GMDS: variants seen among roughly 807,000 people sequenced by gnomAD.
The protein encoded by GMDS is GDP-mannose 4,6 dehydratase.
In GMDS, 20 loss-of-function variants were observed where a neutral mutation model predicts 49.9. The ratio of observed to expected loss-of-function variants is 0.40; its 90% CI spans 0.28 to 0.58. The LOEUF (loss-of-function observed/expected upper bound fraction) is 0.58. Ranked by LOEUF, GMDS falls within the 20% of genes least tolerant of loss-of-function variation. The pLI is 0.42. For synonymous variants in GMDS, 177 were observed against 178.6 expected (o/e 0.99, Z 0.07); for missense variants, 362 against 481.4 (o/e 0.75, Z 2.32).
intron 4 of GMDS, among the ~76,000 whole-genome samples, chr6:2,075,114 T>C (rs1772250921): frequency 6.6e-6 from 1 of 152,230 alleles, no homozygotes; most frequent in Non-Finnish European, 1.5e-5. Context: ...AGGATTTCTT[T>C]GGCTGTTCTC....
At chr6:2,124,817 T>A in intron 1 of GMDS, 86 bp from the exon 2 acceptor site, 1 of 975,462 alleles carries the variant, frequency 1.0e-6, no homozygotes, top group Non-Finnish European at 1.6e-6. Context: ...GAAAAGCATT[T>A]AAAAGGCTAC....
intron 4 of GMDS, among the ~76,000 whole-genome samples, chr6:2,060,891 G>C (rs370786027): frequency 6.6e-6 from 1 of 152,052 alleles, no homozygotes; most frequent in Non-Finnish European, 1.5e-5. Flanking sequence ...GTAGTGGCAG[G>C]CGCCTTTAAT....
At chr6:2,229,428 A>AG (rs71538925) in intron 1 of GMDS, among the ~76,000 whole-genome samples, 1 of 150,916 alleles carries the variant, frequency 6.6e-6, no homozygotes, top group African/African-American at 2.4e-5. Context: ...AAAAAAAAAA[A>AG]TACAAAAATG....
intron 9 of GMDS, among the ~76,000 whole-genome samples, chr6:1,655,223 T>C (rs1183053397): frequency 1.3e-5 from 2 of 152,144 alleles, no homozygotes; most frequent in Non-Finnish European, 2.9e-5. Context: ...TGGGGGTATC[T>C]GAGCCTTAAT....
intron 9 of GMDS, among the ~76,000 whole-genome samples, chr6:1,634,661 G>T (rs924011245): frequency 6.6e-6 from 1 of 152,148 alleles, no homozygotes; most frequent in South Asian, 2.1e-4. Flanking sequence ...GCCACAGTGG[G>T]GTTTTAAGTG....
chr6:2,050,493 T>A (rs947634138), intron 4 of GMDS, among the ~76,000 whole-genome samples: 1 of 152,040 alleles, frequency 6.6e-6, no homozygotes, highest in African/African-American at 2.4e-5. Context: ...ATTCCAATGA[T>A]TAGAAAAAGA....
At chr6:2,008,522 CT>C (rs1467473712) in intron 4 of GMDS, among the ~76,000 whole-genome samples, 1 of 152,118 alleles carries the variant, frequency 6.6e-6, no homozygotes, top group Non-Finnish European at 1.5e-5. Context: ...TCTTCTACCC[CT>C]GAGCTGAGCA....
intron 4 of GMDS, among the ~76,000 whole-genome samples, chr6:2,109,837 C>T (rs1774445644): frequency 6.6e-6 from 1 of 152,228 alleles, no homozygotes; most frequent in African/African-American, 2.4e-5. Context: ...TGAATGCTAA[C>T]ATGCAATTGT....
rs1171085588 is a variant in GMDS at position 1,961,423 on chromosome 6, G to T, written c.346-457C>A. ...TTAGAACACAGCTGAATTTAAAAAG[G>T]GTTGTTTTATTTTCTATTCTAAAGG... is the stretch of plus-strand genomic sequence containing the variant. On this transcript the variant is annotated intron_variant, in intron 4 of 10. Coordinates refer to ENST00000380815, the MANE Select transcript of GMDS (RefSeq NM_001500.4). Among the ~76,000 whole-genome samples, 4 of 152,128 alleles carry T rather than the reference G, an allele frequency of 2.6e-5. No homozygotes were observed. In the East Asian group the frequency reaches 5.8e-4, roughly 22 times the overall value.
At chr6:1,792,909 A>C (rs1769598791) in intron 7 of GMDS, among the ~76,000 whole-genome samples, 1 of 152,202 alleles carries the variant, frequency 6.6e-6, no homozygotes, top group African/African-American at 2.4e-5. Context: ...GAGCTGGACA[A>C]TTACACAGCC....
chr6:1,756,061 A>G (rs1767927662), intron 7 of GMDS, among the ~76,000 whole-genome samples: 2 of 152,212 alleles, frequency 1.3e-5, no homozygotes, highest in African/African-American at 4.8e-5. Context: ...AACAAATGTA[A>G]AAGAAAACAA....
intron 10 of GMDS, 109 bp from the exon 11 acceptor site, chr6:1,624,340 C>T: frequency 7.8e-7 from 1 of 1,287,702 alleles, no homozygotes; most frequent in Non-Finnish European, 1.1e-6. Context: ...CGTTCCAGCT[C>T]CCCTCACTTC....
chr6:1,721,376 T>C (rs1164233854), intron 9 of GMDS, among the ~76,000 whole-genome samples: 1 of 152,046 alleles, frequency 6.6e-6, no homozygotes, highest in Admixed American at 6.6e-5. Flanking sequence ...AAATATCAGA[T>C]ATCTAAGTAA....
intron 1 of GMDS, among the ~76,000 whole-genome samples, chr6:2,189,671 C>T (rs1278264170): frequency 6.6e-6 from 1 of 152,196 alleles, no homozygotes; most frequent in East Asian, 1.9e-4. Context: ...GGGGAAGGGA[C>T]ATTTGCAGAA....
At chr6:2,223,127 CAATA>C (rs61426663) in intron 1 of GMDS, among the ~76,000 whole-genome samples, 2,323 of 150,568 alleles carry the variant, frequency 0.015, 51 homozygotes, top group African/African-American at 0.054. Context: ...ATCAATCAAT[CAATA>C]GCGCGCTCTC....
intron 4 of GMDS, among the ~76,000 whole-genome samples, chr6:2,017,833 A>G (rs1354495190): frequency 6.6e-6 from 1 of 152,140 alleles, no homozygotes; most frequent in South Asian, 2.1e-4. Flanking sequence ...AGAAAATTGT[A>G]AAGAAGGAAA....
intron 4 of GMDS, among the ~76,000 whole-genome samples, chr6:2,031,966 C>G (rs985829212): frequency 1.3e-5 from 2 of 152,152 alleles, no homozygotes; most frequent in African/African-American, 4.8e-5. Context: ...ATTTTTATTA[C>G]TGCCTAATTT....
At chr6:1,888,119 T>TTTATTA (rs200321956) in intron 7 of GMDS, among the ~76,000 whole-genome samples, 2 of 140,434 alleles carry the variant, frequency 1.4e-5, no homozygotes, top group African/African-American at 2.5e-5. Flanking sequence ...TGGCTATTTT[T>TTTATTA]TTATTATTAT....
intron 4 of GMDS, among the ~76,000 whole-genome samples, chr6:2,024,747 G>C (rs923780559): frequency 7.9e-5 from 12 of 151,776 alleles, no homozygotes; most frequent in African/African-American, 2.9e-4. Flanking sequence ...TAACAAGATA[G>C]AACTCATCTT....
Sources: gnomAD v4.1 joint callset for allele counts (sites outside exome capture counted in the v4.1 genomes callset) on GRCh38, gnomAD v4.1.1 for gene constraint, MANE v1.5 for transcripts, NCBI Gene and HGNC (gene_info 2026-07-23, HGNC 2026-07-21) for gene names.